Variants in USP16 observed in about 807,000 individuals in gnomAD.
USP16 encodes ubiquitin specific peptidase 16, also known as ubiquitin carboxyl-terminal hydrolase 16.
A neutral mutation model predicts 95.9 loss-of-function variants in USP16; 77 were observed. That is an observed-to-expected ratio of 0.80 (90% CI 0.67 to 0.97). The LOEUF is 0.97. Ranked by LOEUF, USP16 falls within the 50% of genes least tolerant of loss-of-function variation. The probability of loss-of-function intolerance (pLI) is 0.00; values close to 1 mark genes in which losing one functional copy is unlikely to be tolerated. For synonymous variants in USP16, 303 were observed against 318.2 expected (o/e 0.95, Z 0.51); for missense variants, 943 against 959.9 (o/e 0.98, Z 0.23).
At chr21:29,032,106 C>T (rs545823603) in intron 3 of USP16, among the ~76,000 whole-genome samples, 1 of 152,312 alleles carries the variant, frequency 6.6e-6, no homozygotes, top group East Asian at 1.9e-4. Context: ...ACCCACCTCC[C>T]TACTGCCACC....
chr21:29,049,805 C>A (rs1415170972), intron 15 of USP16, among the ~76,000 whole-genome samples: 1 of 152,214 alleles, frequency 6.6e-6, no homozygotes, highest in Non-Finnish European at 1.5e-5. Flanking sequence ...AAGTGATCCT[C>A]CTGCCTCAGC....
At chr21:29,043,305 T>TG in intron 12 of USP16, 118 bp from the exon 13 acceptor site, 7 of 698,498 alleles carry the variant, frequency 1.0e-5, no homozygotes, top group Non-Finnish European at 1.4e-5. Context: ...TCAAATATTG[T>TG]GGAAAAAAAA....
chr21:29,029,750 A>G (rs959416425), intron 2 of USP16, among the ~76,000 whole-genome samples: 1 of 152,182 alleles, frequency 6.6e-6, no homozygotes, highest in Non-Finnish European at 1.5e-5. Context: ...TGTTCTTGGC[A>G]TGGGCATTTT....
At chr21:29,042,321 A>G (rs1039222635) in intron 11 of USP16, 151 bp from the exon 12 acceptor site, 2 of 871,486 alleles carry the variant, frequency 2.3e-6, no homozygotes, top group Admixed American at 3.2e-5. Flanking sequence ...CAAAGTCCTC[A>G]ATGTTGTGTA....
chr21:29,026,899 G>A (rs2085000715), intron 1 of USP16, among the ~76,000 whole-genome samples: 1 of 152,052 alleles, frequency 6.6e-6, no homozygotes, highest in Admixed American at 6.6e-5. Flanking sequence ...AGGATTAGCC[G>A]AGCAATGGGG....
chr21:29,035,788 G>A (rs769000223), intron 4 of USP16, among the ~76,000 whole-genome samples: 45 of 151,968 alleles, frequency 3.0e-4, no homozygotes, highest in Admixed American at 5.9e-4. Context: ...GCATGGTGGT[G>A]GGTGCCTGTA....
intron 13 of USP16, among the ~76,000 whole-genome samples, chr21:29,044,171 T>C (rs545129712): frequency 6.6e-6 from 1 of 152,290 alleles, no homozygotes; most frequent in South Asian, 2.1e-4. Context: ...TGACCTCAAG[T>C]GATCCTCCCT....
chr21:29,046,067 G>A (rs1251496525), intron 13 of USP16, among the ~76,000 whole-genome samples: 1 of 152,160 alleles, frequency 6.6e-6, no homozygotes, highest in Non-Finnish European at 1.5e-5. Flanking sequence ...CAAGTGAGAT[G>A]CCCTCCTTGG....
Position 29,034,770 on chromosome 21 carries a change from A to C in USP16, c.241-67A>C, listed in dbSNP as rs1174377656. The C allele has an allele frequency of 4.9e-6, 7 of 1,414,570 alleles. No individual in the cohort carries two copies. The African/African-American group carries it at 5.7e-5, about 11-fold the overall frequency. 87.6% of individuals were successfully genotyped at this position (1,414,570 alleles called of 1,614,324 possible). ...CATGAGCCACTTCCTTGTTTATGAT[A>C]GATTATGCATTCTCCCCTCTTGCTG... is the stretch of plus-strand genomic sequence containing the variant. On this transcript the variant is annotated intron_variant, in intron 3 of 17. Coordinates refer to ENST00000399976, the MANE Select transcript of USP16 (RefSeq NM_006447.3).
intron 16 of USP16, among the ~76,000 whole-genome samples, chr21:29,051,477 G>A (rs1452300041): frequency 5.9e-5 from 9 of 152,198 alleles, no homozygotes; most frequent in Non-Finnish European, 4.4e-5. Flanking sequence ...AAGTATCTGA[G>A]TGGAAGAGGC....
intron 16 of USP16, chr21:29,052,152 A>T (rs528547258): frequency 6.6e-6 from 1 of 152,324 alleles, no homozygotes; most frequent in Non-Finnish European, 1.5e-5. Context: ...TATGGGATCA[A>T]AAATTCTGCA....
In USP16 at chr21:29,041,032, A is replaced by G. The variant is rs540439483; in HGVS notation, c.1030+345A>G. Among the ~76,000 whole-genome samples, 5 of 152,286 alleles carry G rather than the reference A, an allele frequency of 3.3e-5. No individual in the cohort carries two copies. In the South Asian group the frequency reaches 1.0e-3, roughly 32 times the overall value. Reference sequence around the variant, plus strand: ...ACTTAGTTCTTATTATGTGGCGTGTAAAGATTTAGGGCAGATCTGCCCAGT... The same window carrying G: ...ACTTAGTTCTTATTATGTGGCGTGTGAAGATTTAGGGCAGATCTGCCCAGT... On this transcript the variant is annotated intron_variant, in intron 10 of 17. Transcript: ENST00000399976.
chr21:29,046,623 CT>C (rs762574057), intron 13 of USP16, 43 bp from the exon 14 acceptor site: 1 of 1,539,698 alleles, frequency 6.5e-7, no homozygotes, highest in Non-Finnish European at 8.7e-7. Flanking sequence ...TTCTCCCGCT[CT>C]TTCTTTTTCT....
At chr21:29,030,136 C>T (rs115384063) in intron 2 of USP16, among the ~76,000 whole-genome samples, 119 of 152,036 alleles carry the variant, frequency 7.8e-4, no homozygotes, top group African/African-American at 2.8e-3. Flanking sequence ...AGCTGCCTTT[C>T]CTTCCAGAAT....
intron 11 of USP16, 79 bp downstream of exon 11, chr21:29,042,183 C>A: frequency 3.9e-6 from 5 of 1,277,292 alleles, no homozygotes; most frequent in Non-Finnish European, 5.5e-6. Flanking sequence ...AAGCAGAAAT[C>A]TCTACCTTCA....
At chr21:29,034,050 T>C (rs547747916) in intron 3 of USP16, among the ~76,000 whole-genome samples, 16 of 152,358 alleles carry the variant, frequency 1.1e-4, no homozygotes, top group Non-Finnish European at 2.1e-4. Flanking sequence ...TGGAGAGATA[T>C]GTCGGGGTCA....
intron 3 of USP16, among the ~76,000 whole-genome samples, chr21:29,034,399 G>T (rs180763932): frequency 6.6e-6 from 1 of 150,426 alleles, no homozygotes; most frequent in African/African-American, 2.5e-5. Flanking sequence ...TGCAACCTCC[G>T]CCTCCTGAGT....
In USP16 at chr21:29,028,233, C is replaced by T. The variant is rs773316118; in HGVS notation, c.61+259C>T. ...GCCTCCCAGGTTCAAACGGTTCTCTCGTGCCTCAGCCTCTGAGTAGCTGGG... is the reference window on the plus strand; with the variant it reads ...GCCTCCCAGGTTCAAACGGTTCTCTTGTGCCTCAGCCTCTGAGTAGCTGGG... On this transcript the variant is annotated intron_variant, in intron 2 of 17. Transcript: ENST00000399976. Among the ~76,000 whole-genome samples the T allele has an allele frequency of 4.4e-4, 65 of 147,790 alleles. 1 individual carries two copies. The highest frequency in any genetic ancestry group is 7.1e-4 in the Non-Finnish European group (48 of 67,296).
chr21:29,046,246 C>T (rs1467759817), intron 13 of USP16, among the ~76,000 whole-genome samples: 3 of 152,186 alleles, frequency 2.0e-5, no homozygotes, highest in Admixed American at 2.0e-4. Context: ...AAGTGATCCT[C>T]CCACCTCAAC....
Sources: gnomAD v4.1 joint callset for allele counts (sites outside exome capture counted in the v4.1 genomes callset) on GRCh38, gnomAD v4.1.1 for gene constraint, MANE v1.5 for transcripts, NCBI Gene and HGNC (gene_info 2026-07-23, HGNC 2026-07-21) for gene names.